The following EZH2 variants were observed in gnomAD, a reference collection of about 807,000 sequenced individuals.
The protein encoded by EZH2 is histone-lysine N-methyltransferase EZH2.
In EZH2, 18 loss-of-function variants were observed where a neutral mutation model predicts 98.4. That is an observed-to-expected ratio of 0.18 (90% CI 0.13 to 0.27). The LOEUF is 0.27. EZH2 is among the 10% of genes least tolerant of loss of function. EZH2 has a pLI of 1.00. For synonymous variants in EZH2, 338 were observed against 312.3 expected (o/e 1.08, Z -0.87); for missense variants, 470 against 935.1 (o/e 0.50, Z 6.49).
intron 10 of EZH2, 104 bp downstream of exon 10, chr7:148,817,773 G>A (rs771535904): frequency 6.7e-7 from 1 of 1,488,364 alleles, no homozygotes; most frequent in Admixed American, 1.7e-5. Flanking sequence ...TCTTTATACT[G>A]AAACTAACCA....
At chr7:148,878,773 C>G (rs1438359603) in intron 1 of EZH2, among the ~76,000 whole-genome samples, 2 of 151,978 alleles carry the variant, frequency 1.3e-5, no homozygotes, top group Non-Finnish European at 1.5e-5. Context: ...GTGGCATGCA[C>G]TTGTAGTCCC....
chr7:148,880,154 TA>T (rs1181540979), intron 1 of EZH2, among the ~76,000 whole-genome samples: 1 of 152,226 alleles, frequency 6.6e-6, no homozygotes, highest in African/African-American at 2.4e-5. Flanking sequence ...GTCATATTTT[TA>T]TACCAAGTAG....
rs749421579 is a variant in EZH2 at position 148,809,298 on chromosome 7, A to C, written c.2110+12T>G. On this transcript the variant is annotated intron_variant, in intron 18 of 19. Coordinates refer to ENST00000320356, the MANE Select transcript of EZH2 (RefSeq NM_004456.5). Reference sequence around the variant, plus strand: ...AAAAGGGAGTTCCAATTCTCACGTCAAAGGTACCTACCTTTTGCATAGCAG... The same window carrying C: ...AAAAGGGAGTTCCAATTCTCACGTCCAAGGTACCTACCTTTTGCATAGCAG... 8 of 1,600,140 alleles carry C rather than the reference A, an allele frequency of 5.0e-6. No homozygotes were observed. The African/African-American group carries it at 1.1e-4, about 21-fold the overall frequency.
At chr7:148,870,335 AAC>A (rs1468304524) in intron 1 of EZH2, among the ~76,000 whole-genome samples, 1 of 152,208 alleles carries the variant, frequency 6.6e-6, no homozygotes, top group African/African-American at 2.4e-5. Flanking sequence ...ATTTTAATAT[AAC>A]ACGTTTTAGA....
intron 1 of EZH2, among the ~76,000 whole-genome samples, chr7:148,866,351 G>C (rs1818439915): frequency 6.6e-6 from 1 of 151,722 alleles, no homozygotes; most frequent in Non-Finnish European, 1.5e-5. Context: ...CCTTGTGAAT[G>C]CCCTTATACA....
At chr7:148,881,061 T>C (rs983196312) in intron 1 of EZH2, among the ~76,000 whole-genome samples, 3 of 152,240 alleles carry the variant, frequency 2.0e-5, no homozygotes, top group Non-Finnish European at 2.9e-5. Flanking sequence ...TGTTCACTTA[T>C]GCTCTCCCCC....
At chr7:148,808,285 A>G (rs996488310) in intron 19 of EZH2, among the ~76,000 whole-genome samples, 1 of 152,220 alleles carries the variant, frequency 6.6e-6, no homozygotes, top group Non-Finnish European at 1.5e-5. Flanking sequence ...GGCCTTTGCT[A>G]AAGTGGGCCC....
intron 1 of EZH2, among the ~76,000 whole-genome samples, chr7:148,858,871 C>T (rs1817248304): frequency 6.6e-6 from 1 of 152,068 alleles, no homozygotes; most frequent in Non-Finnish European, 1.5e-5. Flanking sequence ...TAGGCTTCTA[C>T]AGAATCTGAA....
intron 1 of EZH2, chr7:148,883,178 T>A (rs1352791288): frequency 6.6e-6 from 1 of 152,216 alleles, no homozygotes; most frequent in Non-Finnish European, 1.5e-5. Context: ...TTACGATTCT[T>A]TAGAAAGTGG....
chr7:148,857,150 T>C (rs981523464), intron 1 of EZH2, among the ~76,000 whole-genome samples: 3 of 152,216 alleles, frequency 2.0e-5, no homozygotes, highest in Non-Finnish European at 4.4e-5. Flanking sequence ...AAACATCCGA[T>C]AAGCCGAAAT....
At chr7:148,836,795 G>A (rs1811033210) in intron 3 of EZH2, 1 of 487,416 alleles carries the variant, frequency 2.1e-6, no homozygotes, top group Admixed American at 2.3e-5. Flanking sequence ...TAAGTAACCA[G>A]GTTCCTCTGA....
At chr7:148,814,204 G>A in intron 14 of EZH2, 67 bp from the exon 15 acceptor site, 1 of 1,475,334 alleles carries the variant, frequency 6.8e-7, no homozygotes, top group Non-Finnish European at 9.3e-7. Flanking sequence ...AAGATACGTG[G>A]CAAGGGCTGT....
At chr7:148,813,851 G>A (rs1343547791) in intron 15 of EZH2, 108 bp downstream of exon 15, 4 of 1,159,236 alleles carry the variant, frequency 3.5e-6, no homozygotes, top group Non-Finnish European at 4.9e-6. Flanking sequence ...CACCTTTCAA[G>A]GATCACTTTT....
rs2129469822 is a variant in EZH2 at position 148,814,073 on chromosome 7, G to A, written c.1737C>T (p.Tyr579=). The change falls in exon 15 of 20, where the codon TAC becomes TAT. Residue 579 remains tyrosine (Y), a synonymous_variant. Transcript: ENST00000320356. ...CAGGGTCACACTCTCGGACAGCCAGGTAGCACGGGCACTGCTTGGTGTTGC... is the reference window on the plus strand; with the variant it reads ...CAGGGTCACACTCTCGGACAGCCAGATAGCACGGGCACTGCTTGGTGTTGC... The part of the protein sequence containing the change: ...AQCNTKQCPC[Y]LAVRECDPDL... 1 of 1,614,204 alleles carries A rather than the reference G, an allele frequency of 6.2e-7. No individual in the cohort carries two copies. Among genetic ancestry groups the A allele is most frequent in the Non-Finnish European group, 8.5e-7 (1 of 1,180,044 alleles).
intron 1 of EZH2, among the ~76,000 whole-genome samples, chr7:148,875,581 TAA>T (rs1388961982): frequency 1.3e-5 from 2 of 152,208 alleles, no homozygotes; most frequent in East Asian, 1.9e-4. Context: ...GGCCAAAATT[TAA>T]AAGACTGGCA....
At chr7:148,844,957 T>G (rs1813591716) in intron 3 of EZH2, among the ~76,000 whole-genome samples, 1 of 149,468 alleles carries the variant, frequency 6.7e-6, no homozygotes. Context: ...CTTGCCTGGA[T>G]TAAAAAAAAA....
intron 3 of EZH2, among the ~76,000 whole-genome samples, chr7:148,844,706 CTT>C (rs1213873529): frequency 2.6e-5 from 4 of 152,112 alleles, no homozygotes. Context: ...CATTAGGTAT[CTT>C]TATATTCAAC....
intron 1 of EZH2, 71 bp from the exon 2 acceptor site, chr7:148,847,376 C>G (rs545904496): frequency 3.8e-5 from 59 of 1,560,936 alleles, no homozygotes; most frequent in Admixed American, 1.8e-4. Context: ...TGTTTTAATC[C>G]GCAGCAAACT....
At chr7:148,848,099 G>A (rs917841573) in intron 1 of EZH2, among the ~76,000 whole-genome samples, 1 of 152,170 alleles carries the variant, frequency 6.6e-6, no homozygotes, top group Non-Finnish European at 1.5e-5. Context: ...TTCTCCTAAA[G>A]TATTAAAATC....
Sources: allele counts gnomAD v4.1 joint callset (sites outside exome capture counted in the v4.1 genomes callset), GRCh38; gene constraint gnomAD v4.1.1; transcripts MANE v1.5; gene names NCBI Gene and HGNC (gene_info 2026-07-23, HGNC 2026-07-21).